The following PLEKHS1 variants were observed in gnomAD, a reference collection of about 807,000 sequenced individuals.
The protein encoded by PLEKHS1 is pleckstrin homology domain-containing family S member 1.
A neutral mutation model predicts 51.0 loss-of-function variants in PLEKHS1; 55 were observed. The ratio of observed to expected loss-of-function variants is 1.08; its 90% CI spans 0.87 to 1.35. The LOEUF (loss-of-function observed/expected upper bound fraction) is 1.35. PLEKHS1 is among the 40% of genes most tolerant of loss of function. The pLI, the probability that PLEKHS1 is intolerant of heterozygous loss-of-function variation, is 0.00. For missense variants in PLEKHS1, 398 were observed against 423.0 expected, an observed-to-expected ratio of 0.94 and a Z score of 0.52; for synonymous variants, 153 against 144.8, an observed-to-expected ratio of 1.06 and a Z score of -0.41.
intron 2 of PLEKHS1, among the ~76,000 whole-genome samples, chr10:113,756,656 G>C (rs1193487488): frequency 6.6e-6 from 1 of 152,126 alleles, no homozygotes; most frequent in Non-Finnish European, 1.5e-5. Context: ...CCCTATAGGA[G>C]GAGTAGGGAT....
chr10:113,765,729 T>A (rs1475738496), intron 2 of PLEKHS1, among the ~76,000 whole-genome samples: 1 of 152,228 alleles, frequency 6.6e-6, no homozygotes, highest in South Asian at 2.1e-4. Context: ...AACACAGTGT[T>A]GTTATTTTTG....
chr10:113,777,007 G>A (rs1365658754), intron 11 of PLEKHS1, 117 bp from the exon 12 acceptor site: 5 of 1,146,362 alleles, frequency 4.4e-6, no homozygotes, highest in Non-Finnish European at 6.2e-6. Flanking sequence ...TAAACAGAAG[G>A]AGATAGTCTA....
intron 7 of PLEKHS1, among the ~76,000 whole-genome samples, chr10:113,770,513 T>C (rs1844357834): frequency 6.6e-6 from 1 of 152,210 alleles, no homozygotes; most frequent in African/African-American, 2.4e-5. Context: ...GGTTTTGTTC[T>C]CTGGCACGGA....
rs1844215540 is a variant in PLEKHS1, at chr10:113,767,454, G to T, written c.334G>T (p.Glu112Ter). The T allele has an allele frequency of 6.2e-7, 1 of 1,612,804 alleles. No individual in the cohort carries two copies. Among genetic ancestry groups the T allele is most frequent in the East Asian group, 2.2e-5 (1 of 44,822 alleles). Residue 112 changes from glutamate (E) to a stop codon, truncating the protein, a stop_gained, in exon 5 of 12, where the codon GAA becomes TAA. Coordinates refer to ENST00000361048, the Ensembl canonical transcript of PLEKHS1. LOFTEE classifies it high-confidence loss of function. ...CATGTCCATCAGAACCACTAACAGG[G>T]AATACTTCCTCATTGGCCACGACAG...
chr10:113,759,888 A>C (rs913923377), intron 2 of PLEKHS1, among the ~76,000 whole-genome samples: 1 of 152,230 alleles, frequency 6.6e-6, no homozygotes, highest in Non-Finnish European at 1.5e-5. Context: ...GACATACAGT[A>C]GGCTGACATG....
intron 2 of PLEKHS1, among the ~76,000 whole-genome samples, chr10:113,760,836 T>G (rs375912002): frequency 6.6e-6 from 1 of 152,226 alleles, no homozygotes; most frequent in African/African-American, 2.4e-5. Flanking sequence ...TTTATCTTTT[T>G]TGTTTGTTGC....
chr10:113,777,930 C>A, intron 11 of PLEKHS1: 1 of 501,614 alleles, frequency 2.0e-6, no homozygotes, highest in Non-Finnish European at 3.3e-6. Context: ...TTCAAGGTTA[C>A]AGTGTGCTAT....
rs767115088 is a variant in PLEKHS1, at chr10:113,775,715, G to C, written c.990-50G>C. ...AAGTCTACTCAGAAAGTACAGTTGA[G>C]AGCCAAGGTCAGTTGCCTGATGTGA... On this transcript the variant is annotated intron_variant, in intron 10 of 11. Transcript: ENST00000361048. The C allele has an allele frequency of 3.6e-5, 48 of 1,320,030 alleles. No individual in the cohort carries two copies. In the African/African-American group the frequency reaches 5.8e-4, roughly 16 times the overall value. 81.8% of individuals were successfully genotyped at this position (1,320,030 alleles called of 1,614,324 possible).
chr10:113,767,256 G>C, intron 4 of PLEKHS1, 89 bp from the exon 5 acceptor site: 1 of 1,031,934 alleles, frequency 9.7e-7, no homozygotes, highest in Non-Finnish European at 1.3e-6. Flanking sequence ...CACATCTAAA[G>C]TTTTATTCCA....
rs114498224 is a variant in PLEKHS1, at chr10:113,769,409, T to C, written c.436-375T>C. ...GGTCCCTAGGTATCTTTTTTTGACA[T>C]GTTTTCTAGGTTGTTCCATGCTTAC... On this transcript the variant is annotated intron_variant, in intron 6 of 11. Coordinates refer to ENST00000361048, the Ensembl canonical transcript of PLEKHS1. Among the ~76,000 whole-genome samples the C allele has an allele frequency of 9.4e-3, 1,427 of 152,300 alleles. 25 individuals are homozygous for C. Among genetic ancestry groups the C allele is most frequent in the African/African-American group, 0.03 (1,264 of 41,562 alleles).
At chr10:113,777,635 A>G (rs1345467403) in intron 11 of PLEKHS1, 3 of 1,537,960 alleles carry the variant, frequency 2.0e-6, no homozygotes, top group Non-Finnish European at 1.8e-6. Context: ...TTGGATAATT[A>G]AATGAGGTAA....
At chr10:113,762,521 A>G (rs1386921966) in intron 2 of PLEKHS1, among the ~76,000 whole-genome samples, 1 of 151,856 alleles carries the variant, frequency 6.6e-6, no homozygotes, top group Non-Finnish European at 1.5e-5. Context: ...TGGCATCCAC[A>G]AATTCTGATA....
At chr10:113,776,296 C>CA (rs1046904961) in intron 11 of PLEKHS1, among the ~76,000 whole-genome samples, 36 of 151,922 alleles carry the variant, frequency 2.4e-4, no homozygotes, top group African/African-American at 8.4e-4. Flanking sequence ...TAAAAAAAAA[C>CA]AAAAAACAAA....
chr10:113,771,119 A>G (rs1174928402), intron 7 of PLEKHS1: 1 of 152,198 alleles, frequency 6.6e-6, no homozygotes, highest in Non-Finnish European at 1.5e-5. Flanking sequence ...AATATTCTGT[A>G]TCTATGGGGA....
chr10:113,758,285 G>T (rs1230779414), intron 2 of PLEKHS1, among the ~76,000 whole-genome samples: 1 of 152,158 alleles, frequency 6.6e-6, no homozygotes, highest in East Asian at 1.9e-4. Flanking sequence ...AGACTTAAAA[G>T]TTGAAATTAC....
chr10:113,778,829 G>C (rs7092914), intron 11 of PLEKHS1, among the ~76,000 whole-genome samples: 48,809 of 151,754 alleles, frequency 0.32, 8,600 homozygotes, highest in South Asian at 0.49. Context: ...ATTTTTAGTA[G>C]AAACAGGGTT....
intron 2 of PLEKHS1, among the ~76,000 whole-genome samples, chr10:113,757,012 G>A (rs554957957): frequency 2.6e-4 from 39 of 151,538 alleles, no homozygotes; most frequent in African/African-American, 9.2e-4. Flanking sequence ...TGCCTCCCGG[G>A]TTCAAGCAAT....
intron 8 of PLEKHS1, among the ~76,000 whole-genome samples, chr10:113,773,744 T>C (rs1175348566): frequency 1.3e-5 from 2 of 152,166 alleles, no homozygotes; most frequent in Non-Finnish European, 2.9e-5. Context: ...CTCTCTTTGT[T>C]CTAAGGGGGC....
At chr10:113,771,898 T>C in intron 7 of PLEKHS1, 72 bp from the exon 8 acceptor site, 2 of 1,530,714 alleles carry the variant, frequency 1.3e-6, no homozygotes, top group South Asian at 2.5e-5. Flanking sequence ...ATTACGGCTT[T>C]TCTAGAATGC....
Sources: gnomAD v4.1 joint callset for allele counts (sites outside exome capture counted in the v4.1 genomes callset) on GRCh38, gnomAD v4.1.1 for gene constraint, MANE v1.5 for transcripts, NCBI Gene and HGNC (gene_info 2026-07-23, HGNC 2026-07-21) for gene names.